CFAP54: variants seen among roughly 807,000 people sequenced by gnomAD.
CFAP54 encodes cilia and flagella associated protein 54.
A neutral mutation model predicts 370.4 loss-of-function variants in CFAP54; 290 were observed. The ratio of observed to expected loss-of-function variants is 0.78; its 90% CI spans 0.71 to 0.86. The LOEUF is 0.86. Among genes scored for constraint, CFAP54 ranks in the 40% least tolerant of loss-of-function variants. CFAP54 has a pLI of 0.00. For missense variants in CFAP54, 3,399 were observed against 3,528.7 expected (o/e 0.96, Z 0.93); for synonymous variants, 1,206 against 1,236.5 (o/e 0.98, Z 0.52).
intron 15 of CFAP54, among the ~76,000 whole-genome samples, chr12:96,550,739 G>T (rs1039095794): frequency 1.3e-5 from 2 of 152,184 alleles, no homozygotes; most frequent in African/African-American, 4.8e-5. Flanking sequence ...AGAAAGTTGG[G>T]TAAATCCCAG....
At chr12:96,557,463 G>T (rs910004323) in intron 17 of CFAP54, among the ~76,000 whole-genome samples, 1 of 152,054 alleles carries the variant, frequency 6.6e-6, no homozygotes, top group African/African-American at 2.4e-5. Flanking sequence ...TTTCTTGAAC[G>T]TGTACACCAA....
intron 4 of CFAP54, among the ~76,000 whole-genome samples, chr12:96,507,455 T>C (rs972633063): frequency 3.2e-4 from 49 of 151,966 alleles, no homozygotes; most frequent in African/African-American, 1.2e-3. Flanking sequence ...CTCAAACAAC[T>C]TGGCTTTGGG....
At chr12:96,537,238 C>CA (rs1955516468) in intron 12 of CFAP54, among the ~76,000 whole-genome samples, 1 of 152,152 alleles carries the variant, frequency 6.6e-6, no homozygotes, top group South Asian at 2.1e-4. Context: ...AGTTGACACC[C>CA]AGTGTGAGGT....
At chr12:96,683,789 A>G (rs1394522212) in intron 40 of CFAP54, among the ~76,000 whole-genome samples, 1 of 151,486 alleles carries the variant, frequency 6.6e-6, no homozygotes, top group Admixed American at 6.6e-5. Flanking sequence ...AAATTGTGTG[A>G]TTTTGTTGTT....
At chr12:96,694,862 A>C (rs1159707879) in intron 45 of CFAP54, among the ~76,000 whole-genome samples, 1 of 152,022 alleles carries the variant, frequency 6.6e-6, no homozygotes, top group Admixed American at 6.6e-5. Flanking sequence ...TCTCTACTAA[A>C]GATAAAAAAT....
At chr12:96,543,360 G>C (rs1955598756) in intron 14 of CFAP54, among the ~76,000 whole-genome samples, 1 of 152,212 alleles carries the variant, frequency 6.6e-6, no homozygotes, top group African/African-American at 2.4e-5. Context: ...GCTGTTGTGA[G>C]TTCAGGGCCT....
chr12:96,615,987 A>G (rs979102517), intron 26 of CFAP54, among the ~76,000 whole-genome samples: 1 of 152,230 alleles, frequency 6.6e-6, no homozygotes, highest in Non-Finnish European at 1.5e-5. Flanking sequence ...TAGAAATACC[A>G]TTTGACCCAG....
rs114614639 is a variant in CFAP54, at chr12:96,744,651, A to G, written c.7684+505A>G. Among the ~76,000 whole-genome samples the G allele has an allele frequency of 7.7e-3, 1,170 of 152,336 alleles. 21 individuals carry two copies. The highest frequency in any genetic ancestry group is 0.026 in the African/African-American group (1,097 of 41,576). On this transcript the variant is annotated intron_variant, in intron 55 of 67. Transcript: ENST00000524981. ...AAGTACTTACATCTTTAAAAATGCT[A>G]ATTTAATGCCTGTGAACAAAAAAAT...
chr12:96,765,447 T>TA (rs1958393071), intron 60 of CFAP54, among the ~76,000 whole-genome samples: 3 of 152,082 alleles, frequency 2.0e-5, no homozygotes, highest in African/African-American at 7.2e-5. Context: ...CATGTTCTTT[T>TA]AAAAAAATGA....
intron 50 of CFAP54, among the ~76,000 whole-genome samples, chr12:96,727,488 A>G (rs1957857289): frequency 7.0e-6 from 1 of 142,506 alleles, no homozygotes; most frequent in African/African-American, 2.7e-5. Context: ...ATCAGAGACT[A>G]GGATTGCAAC....
chr12:96,776,511 CTG>C (rs2136684418), intron 60 of CFAP54, among the ~76,000 whole-genome samples: 1 of 152,332 alleles, frequency 6.6e-6, no homozygotes, highest in East Asian at 1.9e-4. Flanking sequence ...ACACCTACTT[CTG>C]CAGACAATCT....
At chr12:96,694,378 C>G (rs558747826) in intron 45 of CFAP54, among the ~76,000 whole-genome samples, 1 of 152,252 alleles carries the variant, frequency 6.6e-6, no homozygotes, top group South Asian at 2.1e-4. Context: ...CCAGCTCCCA[C>G]TTTTGTTGAA....
chr12:96,837,298 C>CCCTATGACTCCTGCCTGTCAGCTG (rs1444133914), intron 66 of CFAP54, among the ~76,000 whole-genome samples: 1 of 152,060 alleles, frequency 6.6e-6, no homozygotes, highest in Admixed American at 6.6e-5. Flanking sequence ...CCCTCATAGC[C>CCCTATGACTCCTGCCTGTCAGCTG]CCTATGACTC....
chr12:96,510,926 G>T (rs1955158445), intron 4 of CFAP54, among the ~76,000 whole-genome samples: 1 of 145,066 alleles, frequency 6.9e-6, no homozygotes, highest in Non-Finnish European at 1.5e-5. Context: ...TTGCACCACT[G>T]TACTCCAGCC....
chr12:96,853,736 T>G (rs1959621246), intron 66 of CFAP54, among the ~76,000 whole-genome samples: 1 of 152,072 alleles, frequency 6.6e-6, no homozygotes, highest in African/African-American at 2.4e-5. Context: ...GTTCTGACAT[T>G]TTAGGGTAGT....
At chr12:96,859,538 TG>T (rs1959812075) in intron 66 of CFAP54, among the ~76,000 whole-genome samples, 1 of 152,158 alleles carries the variant, frequency 6.6e-6, no homozygotes, top group East Asian at 1.9e-4. Flanking sequence ...TTCGAGTAGC[TG>T]GGATTATGGG....
intron 26 of CFAP54, among the ~76,000 whole-genome samples, chr12:96,613,143 T>C (rs1276121967): frequency 6.6e-6 from 1 of 152,082 alleles, no homozygotes; most frequent in Non-Finnish European, 1.5e-5. Flanking sequence ...TTAGCAAATG[T>C]AAAAGAATAG....
chr12:96,843,997 G>A (rs1255193721), intron 66 of CFAP54, among the ~76,000 whole-genome samples: 1 of 152,180 alleles, frequency 6.6e-6, no homozygotes, highest in African/African-American at 2.4e-5. Flanking sequence ...TTGCAGGCAT[G>A]CCATGAATTT....
chr12:96,652,806 T>C (rs1017820015), intron 36 of CFAP54, among the ~76,000 whole-genome samples: 3 of 151,964 alleles, frequency 2.0e-5, no homozygotes, highest in African/African-American at 7.2e-5. Flanking sequence ...GAAAGAGATA[T>C]AACATGAGAA....
Sources: allele counts gnomAD v4.1 joint callset (sites outside exome capture counted in the v4.1 genomes callset), GRCh38; gene constraint gnomAD v4.1.1; transcripts MANE v1.5; gene names NCBI Gene and HGNC (gene_info 2026-07-23, HGNC 2026-07-21).